PPA1: variants seen among roughly 807,000 people sequenced by gnomAD.
PPA1 encodes inorganic pyrophosphatase.
In PPA1, 23 loss-of-function variants were observed where a neutral mutation model predicts 41.8. The ratio of observed to expected loss-of-function variants is 0.55; its 90% confidence interval spans 0.40 to 0.78. The LOEUF is 0.78. PPA1 is among the 30% of genes least tolerant of loss of function. The pLI is 0.00. For missense variants in PPA1, 320 were observed against 361.6 expected (o/e 0.89, Z 0.93); for synonymous variants, 101 against 116.8 (o/e 0.86, Z 0.87).
chr10:70,214,234 A>G lies in PPA1; in HGVS notation c.384+266T>C, dbSNP rs115267314. 7.1e-3 allele frequency among the ~76,000 whole-genome samples: 1,077 copies of G among 152,292 alleles called. 6 individuals carry two copies. The highest frequency in any genetic ancestry group is 0.025 in the African/African-American group (1,032 of 41,568). ...CCTTTCACCTATTGACTAATTATCC[A>G]TCTTCTAAAGCAATGCAGAACATGT... On this transcript the variant is annotated intron_variant, in intron 5 of 10. Transcript: ENST00000373232.
intron 6 of PPA1, chr10:70,209,977 T>C (rs1041167582): frequency 5.4e-6 from 2 of 368,800 alleles, no homozygotes; most frequent in African/African-American, 4.3e-5. Context: ...GTAATCTCTG[T>C]TAGGTAAGGG....
chr10:70,209,990 A>G, intron 6 of PPA1: 1 of 349,812 alleles, frequency 2.9e-6, no homozygotes, highest in Non-Finnish European at 5.3e-6. Flanking sequence ...GGTAAGGGCA[A>G]ACAGCTGGTG....
At chr10:70,219,411 G>A (rs1564583604) in intron 2 of PPA1, among the ~76,000 whole-genome samples, 3 of 152,068 alleles carry the variant, frequency 2.0e-5, no homozygotes, top group South Asian at 4.1e-4. Flanking sequence ...AATGTTTTTG[G>A]AGCTTCTATT....
At chr10:70,206,144 C>T (rs1033769661) in intron 9 of PPA1, 120 bp downstream of exon 9, 7 of 747,600 alleles carry the variant, frequency 9.4e-6, no homozygotes, top group South Asian at 1.6e-5. Context: ...AGACTCCACA[C>T]AGTAACATGC....
chr10:70,229,530 G>A (rs552382096), intron 2 of PPA1, among the ~76,000 whole-genome samples: 2 of 152,314 alleles, frequency 1.3e-5, no homozygotes, highest in South Asian at 4.1e-4. Flanking sequence ...CTTCTCACTG[G>A]TGTATACAGG....
chr10:70,226,542 C>T (rs940746048), intron 2 of PPA1, among the ~76,000 whole-genome samples: 1 of 151,010 alleles, frequency 6.6e-6, no homozygotes, highest in Non-Finnish European at 1.5e-5. Context: ...CAGAGTGAGA[C>T]CCTGTCTTAA....
intron 2 of PPA1, among the ~76,000 whole-genome samples, chr10:70,220,393 C>CA: frequency 7.1e-6 from 1 of 141,580 alleles, no homozygotes; most frequent in Non-Finnish European, 1.5e-5. Flanking sequence ...GCTGGAGCTA[C>CA]AGATGCATGC....
rs1374382334 is a variant in PPA1 at position 70,213,515 on chromosome 10, G to T, written c.459C>A (p.Asp153Glu). 1.9e-6 allele frequency: 3 copies of T among 1,613,890 alleles called. No individual in the cohort carries two copies. Among genetic ancestry groups the T allele is most frequent in the African/African-American group, 1.3e-5 (1 of 74,914 alleles). ...CCACATTAATGGCAATGACTTTCCA[G>T]TCGGTTTCCCCTTCGTCAATCATAG... is the stretch of plus-strand genomic sequence containing the variant. ...ILAMIDEGET[D>E]WKVIAINVDD... Residue 153 changes from aspartate to glutamate, a missense_variant, in exon 6 of 11, where the codon GAC (aspartate) becomes GAA (glutamate). Transcript: ENST00000373232.
intron 5 of PPA1, 63 bp from the exon 6 acceptor site, chr10:70,213,652 C>T (rs1840047072): frequency 6.6e-7 from 1 of 1,521,336 alleles, no homozygotes; most frequent in Non-Finnish European, 8.9e-7. Flanking sequence ...GACAGTTTTA[C>T]TTGGCTAACA....
At chr10:70,220,607 ATATATTATATATAAT>A (rs1840132737) in intron 2 of PPA1, among the ~76,000 whole-genome samples, 1 of 6,338 alleles carries the variant, frequency 1.6e-4, no homozygotes, top group Non-Finnish European at 3.6e-4. Flanking sequence ...TAATTTATAT[ATATATTATATATAAT>A]TTATATATAT....
intron 2 of PPA1, among the ~76,000 whole-genome samples, chr10:70,229,812 G>A (rs903840583): frequency 8.6e-5 from 13 of 151,740 alleles, no homozygotes; most frequent in African/African-American, 3.1e-4. Context: ...TTCCAAGACA[G>A]ATTAAATACT....
intron 7 of PPA1, 30 bp downstream of exon 7, chr10:70,209,528 C>T: frequency 6.4e-7 from 1 of 1,570,936 alleles, no homozygotes; most frequent in Non-Finnish European, 8.6e-7. Flanking sequence ...ACAAATGAGC[C>T]TAAAGCTACA....
At chr10:70,210,097 T>C in intron 6 of PPA1, 1 of 300,814 alleles carries the variant, frequency 3.3e-6, no homozygotes, top group Non-Finnish European at 6.4e-6. Flanking sequence ...TTTTTTTTTT[T>C]CAGAGACAAG....
At chr10:70,208,397 G>A (rs1027472224) in intron 8 of PPA1, among the ~76,000 whole-genome samples, 3 of 151,808 alleles carry the variant, frequency 2.0e-5, no homozygotes, top group Admixed American at 2.0e-4. Context: ...GGAGTGCAGT[G>A]GGGCAATCAC....
intron 9 of PPA1, chr10:70,205,600 CATAA>C (rs1233965162): frequency 6.6e-6 from 1 of 152,010 alleles, no homozygotes; most frequent in Admixed American, 6.6e-5. Context: ...GGGATTCATA[CATAA>C]ATAAAGATAA....
chr10:70,223,090 C>A (rs1467232272), intron 2 of PPA1, among the ~76,000 whole-genome samples: 1 of 152,050 alleles, frequency 6.6e-6, no homozygotes, highest in Non-Finnish European at 1.5e-5. Context: ...CTCAGCCAGG[C>A]GTGGCGACTA....
Position 70,217,904 on chromosome 10 carries a change from T to C in PPA1, c.205A>G (p.Ile69Val), listed in dbSNP as rs745406477. The C allele has an allele frequency of 5.0e-6, 8 of 1,603,892 alleles. No individual in the cohort carries two copies. Among genetic ancestry groups the C allele is most frequent in the South Asian group, 2.2e-5 (2 of 89,894 alleles). ...EIATKDPLNP[I>V]KQDVKKGKLR... ...TTTCCTTTTTTCACATCTTGTTTAA[T>C]AGGGTTTAAAGGGTCCTTTGTAGCA... Residue 69 changes from isoleucine to valine, a missense_variant, in exon 4 of 11, where the codon ATT becomes GTT. By Grantham distance (29) the Ile-to-Val change is conservative (BLOSUM62 3). Transcript: ENST00000373232.
At chr10:70,205,131 T>G (rs1423559617) in intron 9 of PPA1, 1 of 342,178 alleles carries the variant, frequency 2.9e-6, no homozygotes, top group Non-Finnish European at 5.3e-6. Flanking sequence ...ATGCCCATAA[T>G]CCCAACACTT....
chr10:70,227,429 C>T (rs891329472), intron 2 of PPA1, among the ~76,000 whole-genome samples: 7 of 152,100 alleles, frequency 4.6e-5, no homozygotes, highest in African/African-American at 1.4e-4. Flanking sequence ...GTGGGCAGAT[C>T]GCTTGAAACC....
Sources: allele counts gnomAD v4.1 joint callset (sites outside exome capture counted in the v4.1 genomes callset), GRCh38; gene constraint gnomAD v4.1.1; transcripts MANE v1.5; gene names NCBI Gene and HGNC (gene_info 2026-07-23, HGNC 2026-07-21).